Variants in VTA1 observed in about 807,000 individuals in gnomAD.
VTA1 encodes vesicle trafficking 1.
VTA1 carries 24 observed loss-of-function variants against 36.9 expected under a neutral mutation model. The observed-to-expected ratio is 0.65, with a 90% CI of 0.47 to 0.91. The LOEUF (loss-of-function observed/expected upper bound fraction) is 0.91, where lower values mean the gene tolerates loss of function less well. Among genes scored for constraint, VTA1 ranks in the 40% least tolerant of loss-of-function variants. The pLI, the probability that VTA1 is intolerant of heterozygous loss-of-function variation, is 0.00. For missense variants in VTA1, 393 were observed against 377.2 expected, an observed-to-expected ratio of 1.04 and a Z score of -0.35; for synonymous variants, 142 against 130.2, an observed-to-expected ratio of 1.09 and a Z score of -0.62.
intron 1 of VTA1, among the ~76,000 whole-genome samples, chr6:142,153,676 G>A (rs189069448): frequency 5.1e-4 from 77 of 152,056 alleles, no homozygotes; most frequent in African/African-American, 1.7e-3. Context: ...ACTTTTGGCC[G>A]TCTATGGAAA....
At chr6:142,150,009 T>C (rs1476945856) in intron 1 of VTA1, among the ~76,000 whole-genome samples, 1 of 152,198 alleles carries the variant, frequency 6.6e-6, no homozygotes, top group Non-Finnish European at 1.5e-5. Context: ...TCTTGAGGTT[T>C]ATCTTCACCT....
chr6:142,211,636 G>A (rs921960204), intron 7 of VTA1, among the ~76,000 whole-genome samples: 3 of 151,750 alleles, frequency 2.0e-5, no homozygotes, highest in Admixed American at 2.0e-4. Flanking sequence ...GCATGAACAC[G>A]GGAGGCAGAG....
At chr6:142,176,130 T>C (rs180743153) in intron 4 of VTA1, among the ~76,000 whole-genome samples, 38 of 152,328 alleles carry the variant, frequency 2.5e-4, no homozygotes, top group Admixed American at 1.2e-3. Flanking sequence ...GCCAATATTA[T>C]TGATAGGCTT....
intron 1 of VTA1, among the ~76,000 whole-genome samples, chr6:142,165,505 A>C (rs1359291649): frequency 6.6e-6 from 1 of 152,196 alleles, no homozygotes; most frequent in African/African-American, 2.4e-5. Flanking sequence ...TTTGAGAGCT[A>C]CCTAAATGTG....
At chr6:142,169,782 G>GT (rs1582883027) in intron 3 of VTA1, 105 bp downstream of exon 3, 3 of 1,096,670 alleles carry the variant, frequency 2.7e-6, no homozygotes, top group Admixed American at 3.8e-5. Context: ...ATTGATTTAG[G>GT]TTTTTTTAGA....
At chr6:142,166,777 C>T (rs772615173) in intron 2 of VTA1, among the ~76,000 whole-genome samples, 13 of 152,074 alleles carry the variant, frequency 8.5e-5, no homozygotes, top group Non-Finnish European at 1.5e-4. Flanking sequence ...ACACGCTAAA[C>T]GCGCCCGGCT....
chr6:142,187,356 G>C (rs1775359323), intron 4 of VTA1, among the ~76,000 whole-genome samples: 1 of 152,196 alleles, frequency 6.6e-6, no homozygotes, highest in African/African-American at 2.4e-5. Context: ...AGTTTGGTAA[G>C]ATGATACCTA....
chr6:142,194,617 T>A (rs547470622), intron 5 of VTA1, among the ~76,000 whole-genome samples: 11 of 152,308 alleles, frequency 7.2e-5, no homozygotes, highest in African/African-American at 2.6e-4. Flanking sequence ...GCAACCTTGC[T>A]AAATTTACCT....
chr6:142,218,874 C>A lies in VTA1; in HGVS notation c.*231C>A. ...TCTGAGTATATAGGGCTGATGTTAG[C>A]AAGACCCTAAAAATGTCCATTGAAC... On this transcript the variant is annotated 3_prime_UTR_variant, in exon 8 of 8. Coordinates refer to ENST00000367630, the MANE Select transcript of VTA1 (RefSeq NM_016485.5). The A allele has an allele frequency of 2.7e-6, 1 of 369,096 alleles. No homozygotes were observed. The highest frequency in any genetic ancestry group is 6.2e-5 in the South Asian group (1 of 16,202). 22.9% of individuals were successfully genotyped at this position (369,096 alleles called of 1,614,324 possible). A position where few individuals can be genotyped will look rare whatever the true frequency, so the allele number is the denominator to read the frequency against.
rs1776051026 is a variant in VTA1 at position 142,218,829 on chromosome 6, A to AT, written c.*189dup. On this transcript the variant is annotated 3_prime_UTR_variant, in exon 8 of 8. Coordinates refer to ENST00000367630, the MANE Select transcript of VTA1 (RefSeq NM_016485.5). ...CAGCCTCAACCAGTTTTCATTGTCCATTTACTAGATTCAATCGTCTCTGAG... is the reference window on the plus strand; with the variant it reads ...CAGCCTCAACCAGTTTTCATTGTCCATTTTACTAGATTCAATCGTCTCTGAG... 1 of 602,608 alleles carries AT rather than the reference A, an allele frequency of 1.7e-6. No individual in the cohort carries two copies. Among genetic ancestry groups the AT allele is most frequent in the Non-Finnish European group, 2.7e-6 (1 of 376,060 alleles). 37.3% of individuals were successfully genotyped at this position (602,608 alleles called of 1,614,324 possible).
intron 1 of VTA1, among the ~76,000 whole-genome samples, chr6:142,153,499 A>G (rs368709879): frequency 1.6e-4 from 25 of 152,144 alleles, no homozygotes; most frequent in Admixed American, 1.2e-3. Context: ...TATCCTTTCT[A>G]GTATTTATAT....
chr6:142,157,974 G>A (rs543289995), intron 1 of VTA1, among the ~76,000 whole-genome samples: 27 of 146,236 alleles, frequency 1.8e-4, no homozygotes, highest in African/African-American at 6.3e-4. Context: ...TACCTTTCAG[G>A]ATATTGCTGT....
intron 1 of VTA1, among the ~76,000 whole-genome samples, chr6:142,156,309 G>C (rs539281226): frequency 6.6e-6 from 1 of 152,094 alleles, no homozygotes; most frequent in African/African-American, 2.4e-5. Flanking sequence ...GTAACTGAGG[G>C]GAAAGGGACT....
chr6:142,149,204 C>A (rs77200568), intron 1 of VTA1, among the ~76,000 whole-genome samples: 2,065 of 152,220 alleles, frequency 0.014, 57 homozygotes, highest in African/African-American at 0.046. Flanking sequence ...CTTGTAGAGC[C>A]TTTCAGCCCA....
Position 142,222,100 on chromosome 6 carries a change from G to A in VTA1, c.*3457G>A, listed in dbSNP as rs1356310012. On this transcript the variant is annotated 3_prime_UTR_variant, in exon 8 of 8. Coordinates refer to ENST00000367630, the MANE Select transcript of VTA1 (RefSeq NM_016485.5). ...TTTTAGGTAGAGCCACAGGATTTCT[G>A]TAAACTGGATGTGAGGTACGAACAT... 4 of 152,106 alleles carry A rather than the reference G, an allele frequency of 2.6e-5. No homozygotes were observed. The highest frequency in any genetic ancestry group is 2.6e-4 in the Admixed American group (4 of 15,256). The allele number at this position is 152,106 out of a possible 1,614,324, so 9.4% of individuals were successfully genotyped here.
intron 4 of VTA1, among the ~76,000 whole-genome samples, chr6:142,174,360 GT>G (rs1454145816): frequency 1.3e-5 from 2 of 152,338 alleles, no homozygotes; most frequent in East Asian, 3.9e-4. Context: ...TTGGACTTGT[GT>G]GGGGCCTATC....
At chr6:142,169,516 A>G (rs754708403) in intron 2 of VTA1, 34 bp from the exon 3 acceptor site, 1 of 1,592,544 alleles carries the variant, frequency 6.3e-7, no homozygotes. Context: ...CTGAGAGTCC[A>G]AAATCATAAG....
chr6:142,180,294 G>A (rs1055283740), intron 4 of VTA1, among the ~76,000 whole-genome samples: 5 of 152,290 alleles, frequency 3.3e-5, no homozygotes, highest in Non-Finnish European at 7.4e-5. Context: ...GGACCCAGAA[G>A]CCGACTTGAA....
chr6:142,191,014 A>G (rs1009920466), intron 5 of VTA1, among the ~76,000 whole-genome samples: 1 of 152,188 alleles, frequency 6.6e-6, no homozygotes, highest in Admixed American at 6.5e-5. Flanking sequence ...ACATTGTGTG[A>G]TAAACCCCAC....
Sources: gnomAD v4.1 joint callset for allele counts (sites outside exome capture counted in the v4.1 genomes callset) on GRCh38, gnomAD v4.1.1 for gene constraint, MANE v1.5 for transcripts, NCBI Gene and HGNC (gene_info 2026-07-23, HGNC 2026-07-21) for gene names.